The following CEP85L variants were observed in gnomAD, a reference collection of about 807,000 sequenced individuals.
CEP85L encodes centrosomal protein of 85 kDa-like.
A neutral mutation model predicts 100.3 loss-of-function variants in CEP85L; 60 were observed. The observed-to-expected ratio is 0.60, with a 90% CI of 0.49 to 0.74. The LOEUF (loss-of-function observed/expected upper bound fraction) is 0.74. Ranked by LOEUF, CEP85L falls within the 30% of genes least tolerant of loss-of-function variation. The pLI is 0.00. For missense variants in CEP85L, 973 were observed against 936.2 expected, an observed-to-expected ratio of 1.04 and a Z score of -0.51; for synonymous variants, 319 against 322.7, an observed-to-expected ratio of 0.99 and a Z score of 0.12.
At chr6:118,665,421 C>G (rs1273553291) in intron 1 of CEP85L, among the ~76,000 whole-genome samples, 3 of 151,896 alleles carry the variant, frequency 2.0e-5, no homozygotes, top group Non-Finnish European at 4.4e-5. Context: ...TGCAGTGGCT[C>G]AATCTCAGTT....
At chr6:118,592,888 T>C (rs1405543076) in intron 2 of CEP85L, among the ~76,000 whole-genome samples, 1 of 152,204 alleles carries the variant, frequency 6.6e-6, no homozygotes, top group Non-Finnish European at 1.5e-5. Flanking sequence ...TGTATTATAA[T>C]TGTATAAATT....
intron 2 of CEP85L, among the ~76,000 whole-genome samples, chr6:118,631,791 A>G (rs1361094628): frequency 6.6e-6 from 1 of 152,206 alleles, no homozygotes; most frequent in Non-Finnish European, 1.5e-5. Context: ...CCAAGAGTTA[A>G]GAGATAAAGG....
intron 3 of CEP85L, among the ~76,000 whole-genome samples, chr6:118,532,778 A>C (rs931577453): frequency 5.9e-5 from 9 of 152,152 alleles, no homozygotes; most frequent in African/African-American, 2.2e-4. Context: ...GAAGAAGAAA[A>C]ATTTTGAGAA....
intron 3 of CEP85L, chr6:118,559,178 C>T (rs1779083926): frequency 5.6e-6 from 5 of 889,422 alleles, no homozygotes; most frequent in East Asian, 2.4e-5. Flanking sequence ...CAGACCACTT[C>T]CTGAGTAGAA....
intron 2 of CEP85L, among the ~76,000 whole-genome samples, chr6:118,615,470 T>C (rs560341069): frequency 4.6e-5 from 7 of 150,868 alleles, no homozygotes; most frequent in Admixed American, 4.0e-4. Flanking sequence ...TGTCTCACAC[T>C]GTGCAATAAG....
chr6:118,709,556 T>TGTGTGTGTGTGAGA (rs751698371), intron 1 of CEP85L, among the ~76,000 whole-genome samples: 4 of 142,224 alleles, frequency 2.8e-5, no homozygotes, highest in African/African-American at 8.5e-5. Flanking sequence ...TGTGTGTGTG[T>TGTGTGTGTGTGAGA]GAGAGAGAGA....
chr6:118,704,390 G>A (rs1481735903), intron 1 of CEP85L, among the ~76,000 whole-genome samples: 2 of 152,162 alleles, frequency 1.3e-5, no homozygotes, highest in South Asian at 4.1e-4. Flanking sequence ...TGGTGGCCTG[G>A]GGTTTGTTCT....
intron 2 of CEP85L, among the ~76,000 whole-genome samples, chr6:118,619,932 A>T (rs1437488619): frequency 1.3e-5 from 2 of 152,190 alleles, no homozygotes; most frequent in Non-Finnish European, 2.9e-5. Context: ...AAATTCCCCC[A>T]CAGGGCAACA....
At chr6:118,536,428 A>G (rs1777596216) in intron 3 of CEP85L, among the ~76,000 whole-genome samples, 1 of 152,200 alleles carries the variant, frequency 6.6e-6, no homozygotes, top group Non-Finnish European at 1.5e-5. Context: ...AGCTATTATT[A>G]AAGATTAATA....
intron 1 of CEP85L, among the ~76,000 whole-genome samples, chr6:118,673,128 A>G (rs1309936390): frequency 6.6e-6 from 1 of 152,186 alleles, no homozygotes; most frequent in Non-Finnish European, 1.5e-5. Flanking sequence ...CAGGACAAGT[A>G]TAGGAAACAC....
At chr6:118,505,568 A>G (rs1775603708) in intron 5 of CEP85L, among the ~76,000 whole-genome samples, 1 of 152,168 alleles carries the variant, frequency 6.6e-6, no homozygotes, top group South Asian at 2.1e-4. Context: ...ATGAACTATC[A>G]AGCCATGAAA....
intron 1 of CEP85L, among the ~76,000 whole-genome samples, chr6:118,646,173 C>T (rs959815682): frequency 9.9e-5 from 15 of 152,084 alleles, no homozygotes; most frequent in African/African-American, 3.4e-4. Context: ...GCCGAGATTG[C>T]GCCATTGCAC....
At chr6:118,477,100 A>G (rs1177563494) in intron 10 of CEP85L, among the ~76,000 whole-genome samples, 1 of 152,208 alleles carries the variant, frequency 6.6e-6, no homozygotes, top group Non-Finnish European at 1.5e-5. Context: ...GTATAATGAC[A>G]GAAGAAAAAA....
chr6:118,478,526 C>T (rs1773553116), intron 10 of CEP85L, among the ~76,000 whole-genome samples: 1 of 151,802 alleles, frequency 6.6e-6, no homozygotes, highest in Non-Finnish European at 1.5e-5. Flanking sequence ...AAATGAGATG[C>T]TAAGAACAAA....
At chr6:118,475,874 C>T (rs529991293) in intron 10 of CEP85L, among the ~76,000 whole-genome samples, 20 of 152,178 alleles carry the variant, frequency 1.3e-4, no homozygotes, top group African/African-American at 4.8e-4. Flanking sequence ...GATTGTAATG[C>T]TTCCTAAATG....
intron 2 of CEP85L, among the ~76,000 whole-genome samples, chr6:118,616,532 A>G (rs1396593670): frequency 6.6e-6 from 1 of 151,678 alleles, no homozygotes; most frequent in African/African-American, 2.4e-5. Context: ...ACTATCTTCA[A>G]AACAATGAAA....
intron 2 of CEP85L, among the ~76,000 whole-genome samples, chr6:118,583,787 A>T (rs930198336): frequency 9.2e-5 from 14 of 152,198 alleles, no homozygotes; most frequent in African/African-American, 3.1e-4. Context: ...CAATATTAGG[A>T]GCACAGAAAC....
intron 2 of CEP85L, among the ~76,000 whole-genome samples, chr6:118,600,363 GTGTGTGTA>G (rs1781718022): frequency 7.4e-6 from 1 of 134,892 alleles, no homozygotes; most frequent in Non-Finnish European, 1.6e-5. Flanking sequence ...GTGTGTGTGT[GTGTGTGTA>G]ACGCCATGGA....
chr6:118,537,868 T>G (rs968173124), intron 3 of CEP85L: 2 of 985,202 alleles, frequency 2.0e-6, no homozygotes, highest in Admixed American at 1.2e-4. Context: ...CGTAACACAG[T>G]AAATCTTCCT....
Sources: allele counts gnomAD v4.1 joint callset (sites outside exome capture counted in the v4.1 genomes callset), GRCh38; gene constraint gnomAD v4.1.1; transcripts MANE v1.5; gene names NCBI Gene and HGNC (gene_info 2026-07-23, HGNC 2026-07-21).